Variants in YES1 observed in about 807,000 individuals in gnomAD.
The protein encoded by YES1 is tyrosine-protein kinase Yes.
A neutral mutation model predicts 70.4 loss-of-function variants in YES1; 39 were observed. The observed-to-expected ratio is 0.55, with a 90% confidence interval of 0.43 to 0.72. The LOEUF (loss-of-function observed/expected upper bound fraction) is 0.72, where lower values mean the gene tolerates loss of function less well. YES1 is among the 30% of genes least tolerant of loss of function. The pLI is 0.00. For missense variants in YES1, 495 were observed against 644.8 expected (o/e 0.77, Z 2.52); for synonymous variants, 198 against 218.6 (o/e 0.91, Z 0.83).
intron 10 of YES1, among the ~76,000 whole-genome samples, chr18:733,812 C>CAAAAA (rs2080119965): frequency 8.2e-6 from 1 of 121,408 alleles, no homozygotes; most frequent in Non-Finnish European, 1.7e-5. Flanking sequence ...AAAAAAAAAG[C>CAAAAA]ATGGCTTTCA....
chr18:762,060 C>T (rs996810686), intron 1 of YES1, among the ~76,000 whole-genome samples: 1 of 152,176 alleles, frequency 6.6e-6, no homozygotes, highest in African/African-American at 2.4e-5. Flanking sequence ...GTGGTGCATG[C>T]CTGTAATCCC....
At chr18:798,512 G>A (rs2145829760) in intron 1 of YES1, among the ~76,000 whole-genome samples, 1 of 152,246 alleles carries the variant, frequency 6.6e-6, no homozygotes, top group South Asian at 2.1e-4. Flanking sequence ...TGATGGGGTA[G>A]GGTGGGGGAA....
intron 1 of YES1, among the ~76,000 whole-genome samples, chr18:757,431 A>G (rs528694738): frequency 1.4e-4 from 21 of 149,332 alleles, no homozygotes; most frequent in East Asian, 3.9e-4. Flanking sequence ...TGAACCCGGG[A>G]GGCGGAGCTT....
intron 1 of YES1, among the ~76,000 whole-genome samples, chr18:774,117 C>G (rs1290853371): frequency 6.6e-6 from 1 of 152,202 alleles, no homozygotes; most frequent in African/African-American, 2.4e-5. Context: ...GGGCTTAAGC[C>G]ACGGCGCCTG....
At chr18:775,601 A>G (rs1905339217) in intron 1 of YES1, among the ~76,000 whole-genome samples, 1 of 152,150 alleles carries the variant, frequency 6.6e-6, no homozygotes, top group African/African-American at 2.4e-5. Context: ...GTTTGAGACC[A>G]CCCTGAGCAA....
chr18:759,068 G>C (rs1315155159), intron 1 of YES1, among the ~76,000 whole-genome samples: 1 of 152,164 alleles, frequency 6.6e-6, no homozygotes, highest in Non-Finnish European at 1.5e-5. Context: ...TTAAAATGTA[G>C]CTACATATAT....
intron 1 of YES1, among the ~76,000 whole-genome samples, chr18:758,257 C>CTTGAAGTACA (rs1319530627): frequency 6.6e-6 from 1 of 152,040 alleles, no homozygotes; most frequent in Non-Finnish European, 1.5e-5. Flanking sequence ...GTATTTTGTA[C>CTTGAAGTACA]TTGAAGTACA....
In YES1 at chr18:734,096, C is replaced by T. The variant is rs183168297; in HGVS notation, c.1292-1131G>A. On this transcript the variant is annotated intron_variant, in intron 10 of 11. Coordinates refer to ENST00000314574, the MANE Select transcript of YES1 (RefSeq NM_005433.4). ...GAGTTCAAGACCAGCCTGGCCAACA[C>T]GGTGAAACCCTGTCTGTACCAAAAA... Among the ~76,000 whole-genome samples, 213 of 151,474 alleles carry T rather than the reference C, an allele frequency of 1.4e-3. 1 individual carries two copies. Among genetic ancestry groups the T allele is most frequent in the African/African-American group, 4.8e-3 (199 of 41,288 alleles).
intron 1 of YES1, among the ~76,000 whole-genome samples, chr18:781,402 T>A (rs566241341): frequency 1.3e-5 from 2 of 152,180 alleles, no homozygotes; most frequent in African/African-American, 4.8e-5. Flanking sequence ...CCTCTTTCCT[T>A]ACGCTTGGCT....
intron 1 of YES1, among the ~76,000 whole-genome samples, chr18:777,158 G>C (rs1905424821): frequency 6.6e-6 from 1 of 152,134 alleles, no homozygotes; most frequent in African/African-American, 2.4e-5. Context: ...GTCTGGTGCT[G>C]GTGAAGTACA....
intron 6 of YES1, among the ~76,000 whole-genome samples, chr18:745,189 C>A (rs138936775): frequency 6.6e-6 from 1 of 152,204 alleles, no homozygotes; most frequent in African/African-American, 2.4e-5. Flanking sequence ...ACAGAAGATT[C>A]TAATATTAAA....
chr18:739,790 T>G lies in YES1; in HGVS notation c.1082A>C (p.Lys361Thr). Residue 361 changes from lysine (K) to threonine (T), a missense_variant, in exon 9 of 12, where the codon AAG becomes ACG. Lys to Thr is a moderately conservative substitution (Grantham distance 78, BLOSUM62 -1). Transcript: ENST00000314574. ...CTTCAAATACTTTCCATCTCCTTCC[T>G]TAAGGAAATCTAATAAGCTTCCTGT... The part of the protein sequence containing the change: ...MSKGSLLDFL[K>T]EGDGKYLKLP... The G allele has an allele frequency of 6.2e-7, 1 of 1,611,668 alleles. No individual in the cohort carries two copies.
intron 1 of YES1, among the ~76,000 whole-genome samples, chr18:774,626 T>C (rs948701553): frequency 6.6e-6 from 1 of 152,166 alleles, no homozygotes; most frequent in African/African-American, 2.4e-5. Flanking sequence ...ACATTCAGTA[T>C]CTGACAACTT....
In YES1 at chr18:736,898, T is replaced by C. The variant is rs1187921871; in HGVS notation, c.1201A>G (p.Asn401Asp). ...ACAAGATTTTCTCCTACAAGAATAT[T>C]AGCAGCCCGAAGATCTCGGTGAATA... Reference protein sequence around the residue: ...NYIHRDLRAANILVGENLVCK... With the variant: ...NYIHRDLRAADILVGENLVCK... The change falls in exon 10 of 12, where the codon AAT (asparagine) becomes GAT (aspartate). Residue 401 changes from asparagine to aspartate, a missense_variant. Around this residue, in one of 2 missense-constraint regions of YES1, gnomAD observed 385 missense variants for 540.9 expected, o/e 0.71. Transcript: ENST00000314574. The C allele has an allele frequency of 3.7e-6, 6 of 1,612,892 alleles. No individual in the cohort carries two copies. The highest frequency in any genetic ancestry group is 5.1e-6 in the Non-Finnish European group (6 of 1,180,006).
chr18:777,191 G>A (rs1459809494), intron 1 of YES1, among the ~76,000 whole-genome samples: 1 of 152,106 alleles, frequency 6.6e-6, no homozygotes, highest in East Asian at 1.9e-4. Flanking sequence ...AAGAAGGGGA[G>A]GAGGCTAAAA....
At chr18:771,584 T>G (rs1022762590) in intron 1 of YES1, among the ~76,000 whole-genome samples, 7 of 152,212 alleles carry the variant, frequency 4.6e-5, no homozygotes, top group Admixed American at 1.3e-4. Context: ...GGTTTCACTT[T>G]GTCACACAGG....
chr18:796,298 T>A (rs372903982), intron 1 of YES1, among the ~76,000 whole-genome samples: 20 of 152,338 alleles, frequency 1.3e-4, no homozygotes, highest in African/African-American at 4.8e-4. Context: ...TATTTCTTTA[T>A]CTGTAAAAAT....
At chr18:760,191 T>C (rs778375899) in intron 1 of YES1, among the ~76,000 whole-genome samples, 16 of 151,972 alleles carry the variant, frequency 1.1e-4, no homozygotes. Context: ...ACAGGGGGAC[T>C]GGGCACAGTG....
chr18:769,638 T>C (rs1489080807), intron 1 of YES1, among the ~76,000 whole-genome samples: 1 of 152,246 alleles, frequency 6.6e-6, no homozygotes, highest in Non-Finnish European at 1.5e-5. Flanking sequence ...TGAGTGAATT[T>C]TGTCAAAAGC....
Sources: gnomAD v4.1 joint callset for allele counts (sites outside exome capture counted in the v4.1 genomes callset) on GRCh38, gnomAD v4.1.1 for gene constraint, gnomAD v4.1.1 regional missense constraint, MANE v1.5 for transcripts, NCBI Gene and HGNC (gene_info 2026-07-23, HGNC 2026-07-21) for gene names.